NREP: variants seen among roughly 807,000 people sequenced by gnomAD.
NREP encodes the protein neuronal regeneration-related protein.
In NREP, 5 loss-of-function variants were observed where a neutral mutation model predicts 8.6. The observed-to-expected ratio is 0.58, with a 90% CI of 0.30 to 1.22. The LOEUF (loss-of-function observed/expected upper bound fraction) is 1.22, where lower values mean the gene tolerates loss of function less well. NREP is among the 50% of genes most tolerant of loss of function. The pLI is 0.07. For synonymous variants in NREP, 27 were observed against 28.0 expected, an observed-to-expected ratio of 0.96 and a Z score of 0.11; for missense variants, 86 against 82.5, an observed-to-expected ratio of 1.04 and a Z score of -0.17.
chr5:111,873,729 T>A (rs1371809972), intron 2 of NREP, among the ~76,000 whole-genome samples: 1 of 152,210 alleles, frequency 6.6e-6, no homozygotes. Context: ...ATGTCAAGAT[T>A]CTTAACCTTA....
chr5:111,754,433 GA>G (rs1750575919), intron 2 of NREP, among the ~76,000 whole-genome samples: 1 of 152,214 alleles, frequency 6.6e-6, no homozygotes, highest in African/African-American at 2.4e-5. Context: ...TATGGTCACA[GA>G]AAGTAGGTAA....
chr5:111,729,753 G>A lies in NREP; in HGVS notation c.*1168C>T, dbSNP rs534330002. On this transcript the variant is annotated 3_prime_UTR_variant, in exon 4 of 4. Transcript: ENST00000257435. ...TAATTTATTTTTGTTTATCCATTTC[G>A]TTGGGAGCAAGGACAAAAATGTAAA... The A allele has an allele frequency of 3.6e-4, 55 of 152,276 alleles. No individual in the cohort carries two copies. The highest frequency in any genetic ancestry group is 1.1e-3 in the African/African-American group (47 of 41,372). The allele number at this position is 152,276 out of a possible 1,614,324, so 9.4% of individuals were successfully genotyped here.
At chr5:111,742,620 T>C (rs1561639473) in intron 2 of NREP, among the ~76,000 whole-genome samples, 2 of 152,070 alleles carry the variant, frequency 1.3e-5, no homozygotes, top group African/African-American at 4.8e-5. Context: ...GTTAACAGAA[T>C]TACCCGACTT....
chr5:111,953,390 G>C (rs1756219858), intron 2 of NREP, among the ~76,000 whole-genome samples: 1 of 152,068 alleles, frequency 6.6e-6, no homozygotes, highest in African/African-American at 2.4e-5. Flanking sequence ...ACCCTCTGAG[G>C]CTATAACTTT....
intron 2 of NREP, among the ~76,000 whole-genome samples, chr5:111,818,154 A>G (rs1752435832): frequency 6.6e-6 from 1 of 152,216 alleles, no homozygotes. Flanking sequence ...AAAACATTAA[A>G]TAATTAGATC....
intron 2 of NREP, among the ~76,000 whole-genome samples, chr5:111,753,394 A>G (rs1409864931): frequency 6.8e-6 from 1 of 147,700 alleles, no homozygotes; most frequent in Non-Finnish European, 1.5e-5. Flanking sequence ...GATTATATAT[A>G]TATTTTATAG....
chr5:111,861,102 C>G (rs1753532520), intron 2 of NREP, among the ~76,000 whole-genome samples: 1 of 152,192 alleles, frequency 6.6e-6, no homozygotes, highest in Admixed American at 6.5e-5. Flanking sequence ...AGCTAGCGTG[C>G]ATTCAGAAGT....
At chr5:111,923,119 A>T (rs1440947715) in intron 2 of NREP, among the ~76,000 whole-genome samples, 1 of 152,230 alleles carries the variant, frequency 6.6e-6, no homozygotes, top group Non-Finnish European at 1.5e-5. Flanking sequence ...TGGCATGAGC[A>T]TGGAGGATAA....
chr5:111,731,881 G>A (rs1216031989), intron 3 of NREP: 1 of 152,458 alleles, frequency 6.6e-6, no homozygotes, highest in Non-Finnish European at 1.5e-5. Flanking sequence ...ATCACAACCA[G>A]ACAGCAGAAG....
chr5:111,916,768 C>T (rs73787729), intron 2 of NREP, among the ~76,000 whole-genome samples: 6,679 of 152,182 alleles, frequency 0.044, 137 homozygotes, highest in Middle Eastern at 0.075. Context: ...TTGTAAAGTG[C>T]TTAGAATCAA....
intron 2 of NREP, among the ~76,000 whole-genome samples, chr5:111,972,496 T>C (rs1756849361): frequency 6.6e-6 from 1 of 152,222 alleles, no homozygotes; most frequent in Non-Finnish European, 1.5e-5. Context: ...TCCATTCATA[T>C]GATTTTATTT....
chr5:111,874,890 C>T (rs1332556652), intron 2 of NREP, among the ~76,000 whole-genome samples: 1 of 152,166 alleles, frequency 6.6e-6, no homozygotes, highest in Non-Finnish European at 1.5e-5. Context: ...TGATGTCCCT[C>T]TACTCTTGAG....
intron 2 of NREP, among the ~76,000 whole-genome samples, chr5:111,902,651 A>G (rs1754673931): frequency 1.3e-5 from 2 of 152,184 alleles, no homozygotes; most frequent in Admixed American, 1.3e-4. Flanking sequence ...GGAGCAGTGA[A>G]CGATGATAAC....
intron 2 of NREP, among the ~76,000 whole-genome samples, chr5:111,753,336 ATATATATATATATATATG>A (rs1561648746): frequency 6.8e-6 from 1 of 146,750 alleles, no homozygotes; most frequent in East Asian, 2.0e-4. Flanking sequence ...GATTTTATAT[ATATATATATATATATATG>A]TATATATATA....
At chr5:111,756,680 G>T (rs1356870873) in intron 1 of NREP, among the ~76,000 whole-genome samples, 2 of 152,158 alleles carry the variant, frequency 1.3e-5, no homozygotes, top group South Asian at 4.1e-4. Flanking sequence ...AAGATCGAAT[G>T]CCTAAGAAGA....
At chr5:111,866,217 C>A (rs1753660886) in intron 2 of NREP, among the ~76,000 whole-genome samples, 1 of 151,990 alleles carries the variant, frequency 6.6e-6, no homozygotes, top group Non-Finnish European at 1.5e-5. Flanking sequence ...AACAGGCAAC[C>A]TATAGAATGG....
chr5:111,888,638 C>G (rs1754320290), intron 2 of NREP, among the ~76,000 whole-genome samples: 1 of 152,126 alleles, frequency 6.6e-6, no homozygotes, highest in Non-Finnish European at 1.5e-5. Context: ...CTATGTCCCA[C>G]TACTAGGTAA....
intron 2 of NREP, among the ~76,000 whole-genome samples, chr5:111,766,833 G>A (rs971281259): frequency 6.6e-6 from 1 of 152,194 alleles, no homozygotes; most frequent in Non-Finnish European, 1.5e-5. Context: ...AATTTTCCTC[G>A]GAAGGACTTG....
Position 111,975,273 on chromosome 5 carries a change from C to G in NREP, c.135+1G>C, listed in dbSNP as rs1561379239. The G allele has an allele frequency of 1.9e-6, 3 of 1,548,878 alleles. No homozygotes were observed. The highest frequency in any genetic ancestry group is 1.7e-6 in the Non-Finnish European group (2 of 1,144,434). On this transcript the variant is annotated splice_donor_variant, in intron 2 of 3. Transcript: ENST00000395634. LOFTEE classifies it high-confidence loss of function. The stretch of plus-strand genomic sequence containing the variant: ...CAAATCAGGATAGCAGTTTGTCTTA[C>G]ACAATTCAGAACAGAAATCTGGCAG...
Sources: allele counts gnomAD v4.1 joint callset (sites outside exome capture counted in the v4.1 genomes callset), GRCh38; gene constraint gnomAD v4.1.1; transcripts MANE v1.5; gene names NCBI Gene and HGNC (gene_info 2026-07-23, HGNC 2026-07-21).